Variants in HPSE2 observed in about 807,000 individuals in gnomAD.
The protein encoded by HPSE2 is heparanase 2 (inactive), also known as inactive heparanase-2.
Under a neutral mutation model 60.5 loss-of-function variants are expected in HPSE2, and 38 were observed. The observed-to-expected ratio is 0.63, with a 90% CI of 0.48 to 0.82. HPSE2 has a LOEUF of 0.82. Ranked by LOEUF, HPSE2 falls within the 40% of genes least tolerant of loss-of-function variation. The pLI is 0.00. For missense variants in HPSE2, 713 were observed against 740.4 expected (o/e 0.96, Z 0.43); for synonymous variants, 295 against 293.2 (o/e 1.01, Z -0.06).
intron 4 of HPSE2, among the ~76,000 whole-genome samples, chr10:98,743,224 G>T (rs1272122053): frequency 1.3e-5 from 2 of 151,726 alleles, no homozygotes; most frequent in Non-Finnish European, 2.9e-5. Flanking sequence ...GCCTACCTAG[G>T]CCTCCCAAAG....
At position 98,751,949 on chromosome 10, in the gene HPSE2, A is replaced by T. The variant is rs183933529; in HGVS notation, c.611-7893T>A. On this transcript the variant is annotated intron_variant, in intron 3 of 11. Transcript: ENST00000370552. ...GTTTACTTTTGTGGAAAGATTTTTT[A>T]AAAAGTAAGTCTTTAATGCTATTGC... is the stretch of plus-strand genomic sequence containing the variant. Among the ~76,000 whole-genome samples the T allele has an allele frequency of 3.7e-3, 559 of 152,334 alleles. 4 individuals carry two copies. The highest frequency in any genetic ancestry group is 0.013 in the African/African-American group (540 of 41,588).
chr10:99,168,444 CTATTTT>C (rs1847172938), intron 2 of HPSE2, among the ~76,000 whole-genome samples: 1 of 152,184 alleles, frequency 6.6e-6, no homozygotes, highest in Admixed American at 6.5e-5. Context: ...CCCATTATTT[CTATTTT>C]TATCTAGAGA....
intron 3 of HPSE2, among the ~76,000 whole-genome samples, chr10:99,142,055 T>C (rs917352344): frequency 2.6e-5 from 4 of 152,180 alleles, no homozygotes; most frequent in Non-Finnish European, 5.9e-5. Flanking sequence ...TTCCTCATTG[T>C]GTTCGCACAT....
chr10:98,753,205 T>C (rs938996769), intron 3 of HPSE2, among the ~76,000 whole-genome samples: 1 of 152,168 alleles, frequency 6.6e-6, no homozygotes, highest in Non-Finnish European at 1.5e-5. Flanking sequence ...TGTTATGTAT[T>C]ATCACTAAAA....
At chr10:98,508,640 T>C (rs1341201372) in intron 9 of HPSE2, among the ~76,000 whole-genome samples, 2 of 152,178 alleles carry the variant, frequency 1.3e-5, no homozygotes, top group Non-Finnish European at 2.9e-5. Context: ...GAGCAGACAT[T>C]AGAAGATGTG....
At chr10:98,634,486 C>T (rs1055395319) in intron 7 of HPSE2, among the ~76,000 whole-genome samples, 3 of 151,970 alleles carry the variant, frequency 2.0e-5, no homozygotes, top group African/African-American at 4.8e-5. Context: ...AATTGTGCCT[C>T]GAGTTATTCT....
intron 3 of HPSE2, among the ~76,000 whole-genome samples, chr10:98,834,427 G>A (rs1282970139): frequency 6.6e-6 from 1 of 152,146 alleles, no homozygotes; most frequent in Non-Finnish European, 1.5e-5. Flanking sequence ...GCACCACTGA[G>A]TAGCCAGTAA....
At chr10:98,588,910 T>C (rs1483515189) in intron 9 of HPSE2, among the ~76,000 whole-genome samples, 1 of 152,086 alleles carries the variant, frequency 6.6e-6, no homozygotes, top group Non-Finnish European at 1.5e-5. Context: ...CGACAAAACA[T>C]GAAAAATTAC....
chr10:98,534,590 A>G (rs1221961741), intron 9 of HPSE2, among the ~76,000 whole-genome samples: 1 of 152,088 alleles, frequency 6.6e-6, no homozygotes, highest in Non-Finnish European at 1.5e-5. Context: ...TTTTTAGTAG[A>G]GACAGGGTTT....
the HPSE2 span, among the ~76,000 whole-genome samples, chr10:99,275,550 GC>G: frequency 3.4e-4 from 51 of 151,178 alleles, no homozygotes; most frequent in Non-Finnish European, 6.2e-4. Flanking sequence ...AGTATTACCT[GC>G]TTTGGTTGTC....
chr10:98,563,379 G>A (rs2133879792), intron 9 of HPSE2, among the ~76,000 whole-genome samples: 1 of 150,622 alleles, frequency 6.6e-6, no homozygotes, highest in African/African-American at 2.4e-5. Context: ...TATAGAGACA[G>A]AAATTGTATT....
Position 98,611,508 on chromosome 10 carries a change from A to T in HPSE2, c.1320+3396T>A, listed in dbSNP as rs370255383. The stretch of plus-strand genomic sequence containing the variant: ...CACTAATCCCCTAAGCGCTTAACAA[A>T]CTCTCTTGAAGATTTAATCACAATG... On this transcript the variant is annotated intron_variant, in intron 9 of 11. Transcript: ENST00000370552. Among the ~76,000 whole-genome samples the T allele has an allele frequency of 1.7e-4, 26 of 152,148 alleles. No homozygotes were observed. The East Asian group carries it at 1.9e-3, about 11-fold the overall frequency.
intron 3 of HPSE2, among the ~76,000 whole-genome samples, chr10:98,945,387 G>T (rs931102710): frequency 8.5e-5 from 13 of 152,076 alleles, no homozygotes; most frequent in African/African-American, 2.9e-4. Context: ...GCTCACATTT[G>T]ATCTGCTGAT....
At chr10:98,612,561 C>A (rs1945791335) in intron 9 of HPSE2, among the ~76,000 whole-genome samples, 1 of 151,858 alleles carries the variant, frequency 6.6e-6, no homozygotes. Flanking sequence ...GGCCTATTGC[C>A]AGGAATAGCA....
intron 3 of HPSE2, among the ~76,000 whole-genome samples, chr10:98,878,229 G>T (rs1952928938): frequency 6.6e-6 from 1 of 151,978 alleles, no homozygotes; most frequent in Admixed American, 6.6e-5. Flanking sequence ...CTAAGTTATA[G>T]CCAATGTACA....
chr10:99,040,082 A>G (rs2487892), intron 3 of HPSE2, among the ~76,000 whole-genome samples: 99,492 of 151,622 alleles, frequency 0.66, 35,531 homozygotes, highest in Non-Finnish European at 0.78. Flanking sequence ...TTGTATACAT[A>G]GACCTTCATA....
At chr10:98,791,890 CAA>C (rs970092195) in intron 3 of HPSE2, among the ~76,000 whole-genome samples, 1 of 152,044 alleles carries the variant, frequency 6.6e-6, no homozygotes, top group African/African-American at 2.4e-5. Flanking sequence ...ATTTCTAGTT[CAA>C]GTTTTCCACT....
chr10:98,629,917 G>A (rs1295884385), intron 7 of HPSE2, among the ~76,000 whole-genome samples: 1 of 152,040 alleles, frequency 6.6e-6, no homozygotes, highest in Non-Finnish European at 1.5e-5. Context: ...TCCTTAACTG[G>A]GGAAAAAAAG....
chr10:98,576,284 T>C (rs1231332694), intron 9 of HPSE2, among the ~76,000 whole-genome samples: 2 of 151,884 alleles, frequency 1.3e-5, no homozygotes, highest in East Asian at 3.9e-4. Flanking sequence ...AAGGGAATCC[T>C]GTAGGCTGGG....
Sources: gnomAD v4.1 joint callset for allele counts (sites outside exome capture counted in the v4.1 genomes callset) on GRCh38, gnomAD v4.1.1 for gene constraint, MANE v1.5 for transcripts, NCBI Gene and HGNC (gene_info 2026-07-23, HGNC 2026-07-21) for gene names.